Variants in NUS1 observed in about 807,000 individuals in gnomAD.
NUS1 encodes the protein NUS1 dehydrodolichyl diphosphate synthase subunit, also known as dehydrodolichyl diphosphate synthase complex subunit NUS1.
For missense variants in NUS1, 292 were observed against 382.9 expected, an observed-to-expected ratio of 0.76 and a Z score of 1.98; for synonymous variants, 135 against 155.2, an observed-to-expected ratio of 0.87 and a Z score of 0.97.
chr6:117,680,056 A>G (rs1252806703), intron 1 of NUS1, among the ~76,000 whole-genome samples: 1 of 152,206 alleles, frequency 6.6e-6, no homozygotes, highest in Non-Finnish European at 1.5e-5. Context: ...ACAACATTTA[A>G]TCCTTAGACT....
chr6:117,678,281 C>T (rs1248758016), intron 1 of NUS1, among the ~76,000 whole-genome samples: 1 of 151,926 alleles, frequency 6.6e-6, no homozygotes, highest in Non-Finnish European at 1.5e-5. Context: ...AAGAAATATT[C>T]CTGAAATAAG....
chr6:117,690,110 G>A (rs998704431), intron 1 of NUS1, among the ~76,000 whole-genome samples: 1 of 152,118 alleles, frequency 6.6e-6, no homozygotes, highest in Non-Finnish European at 1.5e-5. Context: ...AGGTATTACT[G>A]TTCTAAAGAT....
intron 3 of NUS1, among the ~76,000 whole-genome samples, chr6:117,699,413 ATATC>A (rs1244305065): frequency 1.3e-5 from 2 of 152,228 alleles, no homozygotes; most frequent in Non-Finnish European, 2.9e-5. Flanking sequence ...ATAAAATTAA[ATATC>A]TAGGAATTAA....
chr6:117,681,859 G>T (rs1773065930), intron 1 of NUS1, among the ~76,000 whole-genome samples: 1 of 152,224 alleles, frequency 6.6e-6, no homozygotes. Flanking sequence ...TTGACATGGA[G>T]TCTGGCTCTG....
intron 4 of NUS1, 67 bp downstream of exon 4, chr6:117,703,771 C>T (rs1773462061): frequency 1.9e-6 from 2 of 1,061,610 alleles, no homozygotes; most frequent in East Asian, 2.4e-5. Flanking sequence ...CAGCACTGTA[C>T]TAGATCTGGT....
In NUS1 at chr6:117,707,928, T is replaced by A. The variant is rs1463308281; in HGVS notation, c.*913T>A. The A allele has an allele frequency of 6.6e-6, 1 of 152,296 alleles. No homozygotes were observed. Among genetic ancestry groups the A allele is most frequent in the Non-Finnish European group, 1.5e-5 (1 of 68,040 alleles). The allele number at this position is 152,296 out of a possible 1,614,324, so 9.4% of individuals were successfully genotyped here. A position where few individuals can be genotyped will look rare whatever the true frequency, so the allele number is the denominator to read the frequency against. On this transcript the variant is annotated 3_prime_UTR_variant, in exon 5 of 5. Transcript: ENST00000368494. Reference sequence around the variant, plus strand: ...AAGTTTTATTTCCTTTTTTGTTTGATGGGCAGTATGCCATATTATACCCAA... The same window carrying A: ...AAGTTTTATTTCCTTTTTTGTTTGAAGGGCAGTATGCCATATTATACCCAA...
chr6:117,708,285 A>G lies in NUS1; in HGVS notation c.*1270A>G, dbSNP rs1232818947. Reference sequence around the variant, plus strand: ...TAATTGATTTCTTGATAGGTGTTTAATATTTCTTCCCTCACTGCTGATTCT... The same window carrying G: ...TAATTGATTTCTTGATAGGTGTTTAGTATTTCTTCCCTCACTGCTGATTCT... On this transcript the variant is annotated 3_prime_UTR_variant, in exon 5 of 5. Coordinates refer to ENST00000368494, the MANE Select transcript of NUS1 (RefSeq NM_138459.5). 1.3e-5 allele frequency: 2 copies of G among 152,546 alleles called. No individual in the cohort carries two copies. The highest frequency in any genetic ancestry group is 4.8e-5 in the African/African-American group (2 of 41,442). 9.4% of individuals were successfully genotyped at this position (152,546 alleles called of 1,614,324 possible).
chr6:117,696,910 G>A (rs1351302856), intron 3 of NUS1, among the ~76,000 whole-genome samples: 2 of 151,962 alleles, frequency 1.3e-5, no homozygotes, highest in Admixed American at 6.6e-5. Flanking sequence ...CAAGTAAAAA[G>A]ACTAAAAGAT....
chr6:117,686,852 ATGTGTGTGTGTGTGTGTGTGTGTGTG>A (rs56080181), intron 1 of NUS1, among the ~76,000 whole-genome samples: 16 of 139,400 alleles, frequency 1.1e-4, no homozygotes, highest in African/African-American at 3.9e-4. Flanking sequence ...TGAAGTGTGT[ATGTGTGTGTGTGTGTGTGTGTGTGTG>A]TGTGTGTGTG....
chr6:117,676,879 A>T (rs1168145497), intron 1 of NUS1, among the ~76,000 whole-genome samples: 1 of 152,206 alleles, frequency 6.6e-6, no homozygotes, highest in African/African-American at 2.4e-5. Context: ...GGGCTGTGTG[A>T]TAGGTACTGC....
At chr6:117,697,958 T>A (rs905730562) in intron 3 of NUS1, among the ~76,000 whole-genome samples, 16 of 152,164 alleles carry the variant, frequency 1.1e-4, no homozygotes, top group African/African-American at 3.6e-4. Context: ...ATATCAAGCA[T>A]CTTCTCTGAC....
intron 3 of NUS1, among the ~76,000 whole-genome samples, chr6:117,698,670 T>C (rs56682630): frequency 0.06 from 9,164 of 152,174 alleles, 345 homozygotes; most frequent in African/African-American, 0.086. Context: ...ATTCATTTTG[T>C]GAAGCTAGTA....
intron 1 of NUS1, among the ~76,000 whole-genome samples, chr6:117,679,672 A>G (rs1437939217): frequency 1.3e-5 from 2 of 152,140 alleles, no homozygotes; most frequent in Non-Finnish European, 2.9e-5. Flanking sequence ...CTGGCTTCAC[A>G]TGGTCTGGAG....
chr6:117,698,549 A>G (rs569227453), intron 3 of NUS1, among the ~76,000 whole-genome samples: 1 of 152,230 alleles, frequency 6.6e-6, no homozygotes, highest in East Asian at 1.9e-4. Flanking sequence ...AGCAGTGGAA[A>G]GCTCATGACT....
chr6:117,705,162 A>T (rs1217749645), intron 4 of NUS1, among the ~76,000 whole-genome samples: 1 of 152,160 alleles, frequency 6.6e-6, no homozygotes, highest in Non-Finnish European at 1.5e-5. Context: ...GGGAAGAGAG[A>T]CATTGTTCAA....
At chr6:117,688,948 A>G (rs1773178638) in intron 1 of NUS1, among the ~76,000 whole-genome samples, 2 of 152,064 alleles carry the variant, frequency 1.3e-5, no homozygotes, top group Admixed American at 6.6e-5. Context: ...TGTTTTCAAG[A>G]CTGGTGAGTG....
At chr6:117,689,169 G>C (rs1200290732) in intron 1 of NUS1, among the ~76,000 whole-genome samples, 1 of 152,148 alleles carries the variant, frequency 6.6e-6, no homozygotes, top group Non-Finnish European at 1.5e-5. Context: ...GAAGCATGGT[G>C]GTCATTAATG....
intron 1 of NUS1, among the ~76,000 whole-genome samples, chr6:117,681,349 G>A (rs1209941830): frequency 6.6e-6 from 1 of 152,104 alleles, no homozygotes; most frequent in Non-Finnish European, 1.5e-5. Context: ...CTTACAGAGT[G>A]TATCTTGGTG....
intron 3 of NUS1, among the ~76,000 whole-genome samples, chr6:117,701,581 G>A (rs952814073): frequency 2.4e-4 from 37 of 152,032 alleles, no homozygotes; most frequent in African/African-American, 8.9e-4. Flanking sequence ...TGCAGTTTCG[G>A]GGTATAGAAT....
Sources: allele counts gnomAD v4.1 joint callset (sites outside exome capture counted in the v4.1 genomes callset), GRCh38; gene constraint gnomAD v4.1.1; transcripts MANE v1.5; gene names NCBI Gene and HGNC (gene_info 2026-07-23, HGNC 2026-07-21).